Variants in CNTNAP5 observed in about 807,000 individuals in gnomAD.
CNTNAP5 encodes the protein contactin associated protein family member 5, also known as contactin-associated protein-like 5.
A neutral mutation model predicts 150.2 loss-of-function variants in CNTNAP5; 72 were observed. The observed-to-expected ratio is 0.48, with a 90% CI of 0.40 to 0.58. The LOEUF (loss-of-function observed/expected upper bound fraction) is 0.58, where lower values mean the gene tolerates loss of function less well. Among genes scored for constraint, CNTNAP5 ranks in the 20% least tolerant of loss-of-function variants. CNTNAP5 has a pLI of 0.00. For synonymous variants in CNTNAP5, 672 were observed against 619.8 expected, an observed-to-expected ratio of 1.08 and a Z score of -1.25; for missense variants, 1,636 against 1,626.2, an observed-to-expected ratio of 1.01 and a Z score of -0.10.
At chr2:124,893,353 A>G (rs900039276) in intron 21 of CNTNAP5, among the ~76,000 whole-genome samples, 1 of 152,170 alleles carries the variant, frequency 6.6e-6, no homozygotes, top group African/African-American at 2.4e-5. Context: ...TTATGCAAAC[A>G]GTCTTCATTT....
At chr2:124,647,023 T>C (rs1462004365) in intron 12 of CNTNAP5, among the ~76,000 whole-genome samples, 1 of 152,174 alleles carries the variant, frequency 6.6e-6, no homozygotes, top group East Asian at 1.9e-4. Context: ...TCCAAGCTTG[T>C]TCTTGGCAGA....
chr2:124,877,248 T>G (rs1414989808), intron 21 of CNTNAP5, among the ~76,000 whole-genome samples: 2 of 152,112 alleles, frequency 1.3e-5, no homozygotes, highest in Non-Finnish European at 2.9e-5. Flanking sequence ...TTTCTAAGAG[T>G]GAAACCACTC....
At chr2:124,890,090 T>C (rs1678160681) in intron 21 of CNTNAP5, among the ~76,000 whole-genome samples, 1 of 152,098 alleles carries the variant, frequency 6.6e-6, no homozygotes, top group Non-Finnish European at 1.5e-5. Flanking sequence ...TTTATCCTGA[T>C]TTGAGAGGTG....
At chr2:124,375,574 T>C (rs1238772300) in intron 3 of CNTNAP5, among the ~76,000 whole-genome samples, 2 of 152,052 alleles carry the variant, frequency 1.3e-5, no homozygotes, top group Non-Finnish European at 2.9e-5. Context: ...GATTGGAAGC[T>C]AAAATTGAAA....
intron 3 of CNTNAP5, among the ~76,000 whole-genome samples, chr2:124,407,312 A>C (rs1691598416): frequency 6.6e-6 from 1 of 152,200 alleles, no homozygotes; most frequent in Non-Finnish European, 1.5e-5. Flanking sequence ...TATAGCTAAT[A>C]AATTATTTAT....
chr2:124,422,399 C>T (rs993349432), intron 4 of CNTNAP5, among the ~76,000 whole-genome samples: 1 of 152,184 alleles, frequency 6.6e-6, no homozygotes, highest in Non-Finnish European at 1.5e-5. Flanking sequence ...CATCTTGCAA[C>T]ACTCTAGGAA....
At chr2:124,833,196 C>G (rs1682753693) in intron 19 of CNTNAP5, among the ~76,000 whole-genome samples, 1 of 152,080 alleles carries the variant, frequency 6.6e-6, no homozygotes, top group Non-Finnish European at 1.5e-5. Context: ...AGGCATGAAC[C>G]ACGGAACCTG....
At chr2:124,338,338 C>T (rs143505942) in intron 3 of CNTNAP5, among the ~76,000 whole-genome samples, 4,231 of 152,194 alleles carry the variant, frequency 0.028, 218 homozygotes, top group African/African-American at 0.096. Flanking sequence ...TTCCTCTTTT[C>T]CTAATCGAAT....
intron 3 of CNTNAP5, among the ~76,000 whole-genome samples, chr2:124,280,070 A>G (rs1043921574): frequency 2.0e-5 from 3 of 152,018 alleles, no homozygotes; most frequent in Admixed American, 2.0e-4. Context: ...TTCCTACTGC[A>G]TGTGTTTCAA....
In CNTNAP5 at chr2:124,865,346, C is replaced by A; in HGVS notation, c.3258C>A (p.Thr1086=). 1 of 1,564,726 alleles carries A rather than the reference C, an allele frequency of 6.4e-7. No homozygotes were observed. The highest frequency in any genetic ancestry group is 2.4e-5 in the East Asian group (1 of 42,538). The change falls in exon 20 of 24, where the codon ACC becomes ACA. Residue 1086 remains threonine, a synonymous_variant. Transcript: ENST00000682447. ...QVRYHLNKEE[T]HVFTIDADNF... ...GCTATCACCTAAACAAGGAAGAAACCCATGTATTCACCATTGATGCAGATA... is the reference window on the plus strand; with the variant it reads ...GCTATCACCTAAACAAGGAAGAAACACATGTATTCACCATTGATGCAGATA...
chr2:124,438,930 A>G (rs1424502873), intron 5 of CNTNAP5, among the ~76,000 whole-genome samples: 2 of 152,208 alleles, frequency 1.3e-5, no homozygotes, highest in African/African-American at 4.8e-5. Context: ...ATTCCCAGTC[A>G]GTGGCTCAAG....
chr2:124,140,285 C>G (rs1201762386), intron 1 of CNTNAP5, among the ~76,000 whole-genome samples: 1 of 151,604 alleles, frequency 6.6e-6, no homozygotes, highest in Non-Finnish European at 1.5e-5. Flanking sequence ...GTGGAGCCCA[C>G]CACAGCTCAA....
intron 1 of CNTNAP5, among the ~76,000 whole-genome samples, chr2:124,217,173 G>A (rs74879521): frequency 6.6e-6 from 1 of 152,200 alleles, no homozygotes; most frequent in South Asian, 2.1e-4. Flanking sequence ...TCTATCCCAA[G>A]TTGTGTGTCC....
intron 1 of CNTNAP5, among the ~76,000 whole-genome samples, chr2:124,174,385 A>C (rs541694117): frequency 6.6e-6 from 1 of 152,330 alleles, no homozygotes; most frequent in African/African-American, 2.4e-5. Flanking sequence ...AGGATTCACT[A>C]TTCTAGATGC....
At chr2:124,453,237 T>G (rs1693032488) in intron 6 of CNTNAP5, among the ~76,000 whole-genome samples, 1 of 152,046 alleles carries the variant, frequency 6.6e-6, no homozygotes, top group South Asian at 2.1e-4. Flanking sequence ...TGCAAAATGC[T>G]CTCAAAATTC....
intron 1 of CNTNAP5, among the ~76,000 whole-genome samples, chr2:124,026,722 T>C (rs562653991): frequency 6.6e-6 from 1 of 152,248 alleles, no homozygotes; most frequent in South Asian, 2.1e-4. Flanking sequence ...CCATATCCCT[T>C]ATCCCTGTCA....
At chr2:124,531,086 G>A (rs1695095146) in intron 10 of CNTNAP5, among the ~76,000 whole-genome samples, 1 of 151,958 alleles carries the variant, frequency 6.6e-6, no homozygotes, top group Non-Finnish European at 1.5e-5. Context: ...GGAGCCGTGA[G>A]CTTGTTTTCC....
intron 3 of CNTNAP5, among the ~76,000 whole-genome samples, chr2:124,286,791 T>C (rs926493907): frequency 1.3e-5 from 2 of 152,208 alleles, no homozygotes; most frequent in African/African-American, 4.8e-5. Flanking sequence ...GGGTTTGCAC[T>C]GTGTTTTCAA....
rs1338225653 is a variant in CNTNAP5 at position 124,124,868 on chromosome 2, G to GATT, written c.83-96834_83-96832dup. On this transcript the variant is annotated intron_variant, in intron 1 of 23. Transcript: ENST00000682447. ...CTTTACAGACAAACAAATGCTGAGA[G>GATT]ATTATGTCACCACCAGGCCTGCCCT... 3.9e-5 allele frequency among the ~76,000 whole-genome samples: 6 copies of GATT among 152,298 alleles called. No homozygotes were observed. The East Asian group carries it at 1.2e-3, about 29-fold the overall frequency.
Sources: gnomAD v4.1 joint callset for allele counts (sites outside exome capture counted in the v4.1 genomes callset) on GRCh38, gnomAD v4.1.1 for gene constraint, MANE v1.5 for transcripts, NCBI Gene and HGNC (gene_info 2026-07-23, HGNC 2026-07-21) for gene names.